The following RALGAPA2 variants were observed in gnomAD, a reference collection of about 807,000 sequenced individuals.
RALGAPA2 encodes the protein Ral GTPase activating protein catalytic subunit alpha 2.
RALGAPA2 carries 139 observed loss-of-function variants against 230.4 expected under a neutral mutation model. The ratio of observed to expected loss-of-function variants is 0.60; its 90% CI spans 0.53 to 0.69. The LOEUF (loss-of-function observed/expected upper bound fraction) is 0.69, where lower values mean the gene tolerates loss of function less well. Ranked by LOEUF, RALGAPA2 falls within the 30% of genes least tolerant of loss-of-function variation. The pLI is 0.00. For synonymous variants in RALGAPA2, 847 were observed against 837.8 expected, an observed-to-expected ratio of 1.01 and a Z score of -0.19; for missense variants, 2,163 against 2,276.0, an observed-to-expected ratio of 0.95 and a Z score of 1.01.
intron 16 of RALGAPA2, among the ~76,000 whole-genome samples, chr20:20,595,660 A>C (rs1203547030): frequency 6.6e-6 from 1 of 152,220 alleles, no homozygotes; most frequent in Non-Finnish European, 1.5e-5. Flanking sequence ...AAGCAGTTAA[A>C]ATTGTAGAAC....
chr20:20,441,161 C>A (rs2060730993), intron 37 of RALGAPA2, among the ~76,000 whole-genome samples: 1 of 152,230 alleles, frequency 6.6e-6, no homozygotes, highest in African/African-American at 2.4e-5. Flanking sequence ...AGGGAAATCT[C>A]ATTTTAATTC....
intron 38 of RALGAPA2, among the ~76,000 whole-genome samples, chr20:20,411,818 C>G (rs1051998368): frequency 4.6e-5 from 7 of 152,178 alleles, no homozygotes; most frequent in Admixed American, 4.6e-4. Flanking sequence ...TGAAGGTTAA[C>G]AGGATAGCTG....
intron 13 of RALGAPA2, 48 bp from the exon 14 acceptor site, chr20:20,611,474 G>T: frequency 6.3e-7 from 1 of 1,575,400 alleles, no homozygotes; most frequent in Non-Finnish European, 8.6e-7. Flanking sequence ...TGTCTCCAAA[G>T]CACTTTAATT....
chr20:20,485,824 T>C (rs1413078082), intron 36 of RALGAPA2, among the ~76,000 whole-genome samples: 2 of 152,210 alleles, frequency 1.3e-5, no homozygotes, highest in Non-Finnish European at 2.9e-5. Flanking sequence ...TGGAACATAT[T>C]GTTATCTGTT....
chr20:20,547,924 A>G (rs568358081), intron 23 of RALGAPA2, among the ~76,000 whole-genome samples: 1 of 152,316 alleles, frequency 6.6e-6, no homozygotes, highest in South Asian at 2.1e-4. Flanking sequence ...GGCAATTGTA[A>G]CACAATGGAA....
chr20:20,575,141 T>C (rs983531711), intron 20 of RALGAPA2, among the ~76,000 whole-genome samples: 2 of 152,210 alleles, frequency 1.3e-5, no homozygotes, highest in Non-Finnish European at 2.9e-5. Context: ...GGAGCTTTTG[T>C]CTTCTCTATC....
At chr20:20,458,605 C>T (rs1025338386) in intron 37 of RALGAPA2, among the ~76,000 whole-genome samples, 1 of 131,712 alleles carries the variant, frequency 7.6e-6, no homozygotes, top group Non-Finnish European at 1.6e-5. Context: ...AATATATGAG[C>T]TGTACTAAGC....
intron 17 of RALGAPA2, 34 bp downstream of exon 17, chr20:20,591,143 T>C (rs2065277200): frequency 1.9e-6 from 3 of 1,603,858 alleles, no homozygotes; most frequent in Non-Finnish European, 8.5e-7. Context: ...CCAGAATCTA[T>C]AGTTCTGTAT....
chr20:20,707,376 A>G (rs2147032379), intron 1 of RALGAPA2, among the ~76,000 whole-genome samples: 1 of 152,278 alleles, frequency 6.6e-6, no homozygotes, highest in African/African-American at 2.4e-5. Context: ...CTGCAGTATT[A>G]CTTCTATCAG....
chr20:20,495,059 C>A, intron 36 of RALGAPA2, 58 bp downstream of exon 36: 1 of 1,409,246 alleles, frequency 7.1e-7, no homozygotes, highest in Non-Finnish European at 9.6e-7. Flanking sequence ...TTTTCAATGA[C>A]AATGAATCAC....
chr20:20,671,404 C>T (rs1255301711), intron 3 of RALGAPA2, among the ~76,000 whole-genome samples: 1 of 152,210 alleles, frequency 6.6e-6, no homozygotes, highest in African/African-American at 2.4e-5. Context: ...AATTCCACCT[C>T]TTCTCAAGGG....
In RALGAPA2 at chr20:20,571,459, T is replaced by C. The variant is rs2064630560; in HGVS notation, c.3155A>G (p.Gln1052Arg). ...CACAATAAAGGAGTCGCAGAATACCTGATCCTCGCTGGTTAATCCCAGGTG... is the reference window on the plus strand; with the variant it reads ...CACAATAAAGGAGTCGCAGAATACCCGATCCTCGCTGGTTAATCCCAGGTG... ...VMHLGLTSEDQDILNTIIRHC... is the reference protein window; with the variant it reads ...VMHLGLTSEDRDILNTIIRHC... Residue 1052 changes from glutamine (Q) to arginine (R), a missense_variant and splice_region_variant, in exon 23 of 40, where the codon CAG becomes CGG. Coordinates refer to ENST00000202677, the MANE Select transcript of RALGAPA2 (RefSeq NM_020343.4). 1 of 1,610,380 alleles carries C rather than the reference T, an allele frequency of 6.2e-7. No individual in the cohort carries two copies. The highest frequency in any genetic ancestry group is 8.5e-7 in the Non-Finnish European group (1 of 1,178,602).
Position 20,513,319 on chromosome 20 carries a change from T to C in RALGAPA2, c.4085-35A>G, listed in dbSNP as rs188660453. 5 of 1,350,756 alleles carry C rather than the reference T, an allele frequency of 3.7e-6. No individual in the cohort carries two copies. In the East Asian group the frequency reaches 7.9e-5, roughly 21 times the overall value. The allele number at this position is 1,350,756 out of a possible 1,614,324, so 83.7% of individuals were successfully genotyped here. A position where few individuals can be genotyped will look rare whatever the true frequency, so the allele number is the denominator to read the frequency against. Reference sequence around the variant, plus strand: ...GCGGTAAAGAAACATAAAGAGTCAGTGGTGAATGAAGATTAAAACTCAACA... The same window carrying C: ...GCGGTAAAGAAACATAAAGAGTCAGCGGTGAATGAAGATTAAAACTCAACA... On this transcript the variant is annotated intron_variant, in intron 31 of 39. Transcript: ENST00000202677.
chr20:20,467,927 C>T (rs1340012393), intron 37 of RALGAPA2, among the ~76,000 whole-genome samples: 1 of 152,162 alleles, frequency 6.6e-6, no homozygotes. Context: ...TCAGCCCACC[C>T]AGGGGAATAT....
At chr20:20,399,914 T>G (rs1356105305) in intron 38 of RALGAPA2, among the ~76,000 whole-genome samples, 1 of 152,360 alleles carries the variant, frequency 6.6e-6, no homozygotes, top group East Asian at 1.9e-4. Context: ...GGATCCTGGT[T>G]ACTGAACAGT....
At chr20:20,579,342 T>A (rs527905218) in intron 20 of RALGAPA2, among the ~76,000 whole-genome samples, 2 of 152,314 alleles carry the variant, frequency 1.3e-5, no homozygotes, top group South Asian at 4.1e-4. Flanking sequence ...GAAGCAAGAA[T>A]CAGCTGTGCA....
intron 36 of RALGAPA2, among the ~76,000 whole-genome samples, chr20:20,484,982 C>T (rs545393447): frequency 2.6e-5 from 4 of 151,968 alleles, no homozygotes; most frequent in Non-Finnish European, 5.9e-5. Flanking sequence ...GGGCCACATG[C>T]GGCCCTGGAT....
intron 15 of RALGAPA2, among the ~76,000 whole-genome samples, chr20:20,602,570 C>T (rs1274976635): frequency 6.6e-6 from 1 of 152,230 alleles, no homozygotes; most frequent in East Asian, 1.9e-4. Context: ...ACCCAGTTTC[C>T]TCTGCCTGTG....
chr20:20,448,870 AT>A (rs2060924195), intron 37 of RALGAPA2, among the ~76,000 whole-genome samples: 1 of 150,392 alleles, frequency 6.6e-6, no homozygotes, highest in Admixed American at 6.6e-5. Flanking sequence ...ATGAATGTAT[AT>A]TGAAAAAAAA....
Sources: gnomAD v4.1 joint callset for allele counts (sites outside exome capture counted in the v4.1 genomes callset) on GRCh38, gnomAD v4.1.1 for gene constraint, MANE v1.5 for transcripts, NCBI Gene and HGNC (gene_info 2026-07-23, HGNC 2026-07-21) for gene names.